PPP2R2B: variants seen among roughly 807,000 people sequenced by gnomAD.
PPP2R2B encodes the protein serine/threonine-protein phosphatase 2A 55 kDa regulatory subunit B beta isoform.
In PPP2R2B, 5 loss-of-function variants were observed where a neutral mutation model predicts 46.0. The observed-to-expected ratio is 0.11, with a 90% confidence interval of 0.06 to 0.23. The LOEUF is 0.23. PPP2R2B is among the 10% of genes least tolerant of loss of function. The probability of loss-of-function intolerance (pLI) is 1.00; values close to 1 mark genes in which losing one functional copy is unlikely to be tolerated. For synonymous variants in PPP2R2B, 215 were observed against 206.7 expected (o/e 1.04, Z -0.34); for missense variants, 367 against 575.0 (o/e 0.64, Z 3.70).
chr5:146,638,172 G>A (rs1025881170), intron 7 of PPP2R2B, 79 bp downstream of exon 7: 1 of 1,451,584 alleles, frequency 6.9e-7, no homozygotes, highest in East Asian at 2.4e-5. Context: ...TAGAAAGGGA[G>A]ATCATAAGCT....
intron 1 of PPP2R2B, among the ~76,000 whole-genome samples, chr5:146,896,780 G>A (rs774223037): frequency 2.0e-5 from 3 of 151,812 alleles, no homozygotes; most frequent in South Asian, 2.1e-4. Flanking sequence ...ATTTAAAGGC[G>A]TTAGTGGGGG....
chr5:146,908,777 C>CCCTCCCTCCCTCCCTT (rs1554075421), intron 1 of PPP2R2B, among the ~76,000 whole-genome samples: 4 of 150,666 alleles, frequency 2.7e-5, no homozygotes, highest in African/African-American at 9.9e-5. Context: ...TCCTTTCCCG[C>CCCTCCCTCCCTCCCTT]CCTCCCTTCC....
At chr5:146,591,118 C>T (rs1770606722) in intron 9 of PPP2R2B, among the ~76,000 whole-genome samples, 3 of 151,996 alleles carry the variant, frequency 2.0e-5, no homozygotes, top group African/African-American at 7.3e-5. Context: ...GCAAGTACCC[C>T]AAGTGCCATC....
intron 2 of PPP2R2B, 184 bp from the exon 3 acceptor site, chr5:146,701,326 A>T: frequency 1.3e-6 from 1 of 741,722 alleles, no homozygotes; most frequent in East Asian, 2.5e-5. Context: ...TAAATTTCCT[A>T]GATGCCCACA....
chr5:146,860,584 C>T (rs532522858), intron 2 of PPP2R2B, among the ~76,000 whole-genome samples: 2 of 152,288 alleles, frequency 1.3e-5, no homozygotes, highest in East Asian at 3.9e-4. Context: ...CATATGCAGA[C>T]CTCTCCAGTA....
At chr5:147,045,203 G>A (rs533156489) in intron 1 of PPP2R2B, among the ~76,000 whole-genome samples, 1 of 152,252 alleles carries the variant, frequency 6.6e-6, no homozygotes, top group African/African-American at 2.4e-5. Context: ...TCTGTTTTGT[G>A]TGTCCCACCC....
chr5:146,946,590 T>C (rs76523801), intron 1 of PPP2R2B, among the ~76,000 whole-genome samples: 3,241 of 152,276 alleles, frequency 0.021, 36 homozygotes, highest in Non-Finnish European at 0.032. Context: ...ACACTAGAAC[T>C]GTTAGGCCGA....
At chr5:146,925,298 T>A (rs1260598646) in intron 1 of PPP2R2B, among the ~76,000 whole-genome samples, 1 of 152,216 alleles carries the variant, frequency 6.6e-6, no homozygotes, top group Non-Finnish European at 1.5e-5. Flanking sequence ...AAGGCCTTCC[T>A]TCCTTTGGTA....
intron 1 of PPP2R2B, among the ~76,000 whole-genome samples, chr5:147,008,517 T>G (rs1285268039): frequency 6.6e-6 from 1 of 152,196 alleles, no homozygotes; most frequent in African/African-American, 2.4e-5. Flanking sequence ...TTTCCACTGT[T>G]TGCCAACATA....
At chr5:146,845,490 TG>T (rs1759943934) in intron 2 of PPP2R2B, among the ~76,000 whole-genome samples, 1 of 152,016 alleles carries the variant, frequency 6.6e-6, no homozygotes, top group South Asian at 2.1e-4. Context: ...CCTGACCTCG[TG>T]ATCCGCCCGC....
intron 2 of PPP2R2B, among the ~76,000 whole-genome samples, chr5:146,796,252 C>T (rs1164404523): frequency 6.6e-6 from 1 of 152,162 alleles, no homozygotes; most frequent in Non-Finnish European, 1.5e-5. Context: ...TCCACGTATG[C>T]TCCCATACGT....
At chr5:146,890,871 C>T (rs950507696) in intron 1 of PPP2R2B, among the ~76,000 whole-genome samples, 3 of 152,130 alleles carry the variant, frequency 2.0e-5, no homozygotes, top group Admixed American at 2.0e-4. Flanking sequence ...AATGATTTCT[C>T]TCCCCAGGAA....
chr5:146,685,884 C>T (rs117959071), intron 5 of PPP2R2B, among the ~76,000 whole-genome samples: 20 of 152,280 alleles, frequency 1.3e-4, no homozygotes, highest in East Asian at 1.9e-4. Flanking sequence ...CCTCACCCCC[C>T]GCCTTCCACC....
intron 1 of PPP2R2B, among the ~76,000 whole-genome samples, chr5:147,035,930 A>C (rs1273888493): frequency 6.6e-6 from 1 of 152,216 alleles, no homozygotes; most frequent in Admixed American, 6.5e-5. Context: ...GCTTTTTCTC[A>C]ATGGATTTTC....
chr5:146,607,226 AACTCCCTCGG>A (rs1772379143), intron 7 of PPP2R2B: 1 of 152,214 alleles, frequency 6.6e-6, no homozygotes, highest in African/African-American at 2.4e-5. Flanking sequence ...AGAGGGTAAG[AACTCCCTCGG>A]ACTGACAATA....
chr5:146,942,684 C>T (rs1045657107), intron 1 of PPP2R2B, among the ~76,000 whole-genome samples: 1 of 152,060 alleles, frequency 6.6e-6, no homozygotes, highest in Non-Finnish European at 1.5e-5. Flanking sequence ...CTTTAGATTA[C>T]AAGTATTAGT....
At chr5:146,875,724 T>G (rs1300038723) in intron 2 of PPP2R2B, among the ~76,000 whole-genome samples, 1 of 152,216 alleles carries the variant, frequency 6.6e-6, no homozygotes, top group African/African-American at 2.4e-5. Flanking sequence ...ATGGAAGGAC[T>G]AGAAGCTAAT....
chr5:146,769,074 TGCCATGTTG>T (rs1331935512), intron 2 of PPP2R2B, among the ~76,000 whole-genome samples: 6 of 151,992 alleles, frequency 3.9e-5, no homozygotes, highest in African/African-American at 1.5e-4. Context: ...GGCAGGGTTT[TGCCATGTTG>T]GCCAGGCTGG....
intron 1 of PPP2R2B, among the ~76,000 whole-genome samples, chr5:147,004,681 TG>T (rs1400321064): frequency 6.6e-6 from 1 of 152,198 alleles, no homozygotes; most frequent in Non-Finnish European, 1.5e-5. Context: ...GTTACCCATT[TG>T]TTGTCCCCTG....
Sources: gnomAD v4.1 joint callset for allele counts (sites outside exome capture counted in the v4.1 genomes callset) on GRCh38, gnomAD v4.1.1 for gene constraint, MANE v1.5 for transcripts, NCBI Gene and HGNC (gene_info 2026-07-23, HGNC 2026-07-21) for gene names.